GFM1: variants seen among roughly 807,000 people sequenced by gnomAD.
GFM1 encodes elongation factor G, mitochondrial.
Under a neutral mutation model 96.2 loss-of-function variants are expected in GFM1, and 62 were observed. That is an observed-to-expected ratio of 0.64 (90% confidence interval 0.53 to 0.80). GFM1 has a LOEUF of 0.80. Ranked by LOEUF, GFM1 falls within the 30% of genes least tolerant of loss-of-function variation. GFM1 has a pLI of 0.00. For missense variants in GFM1, 852 were observed against 916.6 expected, an observed-to-expected ratio of 0.93 and a Z score of 0.91; for synonymous variants, 282 against 312.9, an observed-to-expected ratio of 0.90 and a Z score of 1.04.
At chr3:158,677,820 G>A (rs533805496) in intron 13 of GFM1, among the ~76,000 whole-genome samples, 5 of 152,334 alleles carry the variant, frequency 3.3e-5, no homozygotes, top group Non-Finnish European at 7.4e-5. Flanking sequence ...GAGATTTTCA[G>A]TGTAGATGAA....
At chr3:158,676,400 A>G (rs1724898101) in intron 13 of GFM1, among the ~76,000 whole-genome samples, 1 of 152,214 alleles carries the variant, frequency 6.6e-6, no homozygotes, top group Non-Finnish European at 1.5e-5. Flanking sequence ...ATAACTACAG[A>G]AAAACATGAA....
chr3:158,681,976 T>A lies in GFM1; in HGVS notation c.1602-19T>A. ...TAATTACATAATGCTCCATTTTTTT[T>A]TTCCTAAATCACTTTCAGGTTTGAC... On this transcript the variant is annotated intron_variant, in intron 13 of 17. Coordinates refer to ENST00000486715, the MANE Select transcript of GFM1 (RefSeq NM_024996.7). 1 of 1,608,192 alleles carries A rather than the reference T, an allele frequency of 6.2e-7. No homozygotes were observed. The highest frequency in any genetic ancestry group is 8.5e-7 in the Non-Finnish European group (1 of 1,175,894).
In GFM1 at chr3:158,646,950, A is replaced by G. The variant is rs1462142329; in HGVS notation, c.572+3A>G. 6.2e-7 allele frequency: 1 copy of G among 1,611,502 alleles called. No homozygotes were observed. The highest frequency in any genetic ancestry group is 8.5e-7 in the Non-Finnish European group (1 of 1,177,562). Reference sequence around the variant, plus strand: ...GCCAGGGCCCTGCAGCAAATGAGGTAATGAGCCTTAGAATAAACAAAGAGG... The same window carrying G: ...GCCAGGGCCCTGCAGCAAATGAGGTGATGAGCCTTAGAATAAACAAAGAGG... On this transcript the variant is annotated splice_donor_region_variant and intron_variant, in intron 4 of 17. Transcript: ENST00000486715.
chr3:158,694,623 C>G lies in GFM1; in HGVS notation c.*3156C>G, dbSNP rs2108124851. ...GTGTTTCCCAGGCTGCTCACAAATT[C>G]ATGAGCTCAAGCAGTCCTCTGGCCT... On this transcript the variant is annotated 3_prime_UTR_variant, in exon 18 of 18. Coordinates refer to ENST00000486715, the MANE Select transcript of GFM1 (RefSeq NM_024996.7). Among the ~76,000 whole-genome samples, 1 of 152,278 alleles carries G rather than the reference C, an allele frequency of 6.6e-6. No homozygotes were observed. Among genetic ancestry groups the G allele is most frequent in the Non-Finnish European group, 1.5e-5 (1 of 68,030 alleles).
chr3:158,673,222 T>C (rs1027933007), intron 13 of GFM1, among the ~76,000 whole-genome samples: 6 of 152,218 alleles, frequency 3.9e-5, no homozygotes, highest in Non-Finnish European at 7.3e-5. Flanking sequence ...TCTCCTTTAC[T>C]AATCTTAAAA....
chr3:158,689,927 T>C (rs932999114), intron 15 of GFM1, among the ~76,000 whole-genome samples: 1 of 152,140 alleles, frequency 6.6e-6, no homozygotes, highest in Non-Finnish European at 1.5e-5. Flanking sequence ...TTTAATGAGT[T>C]TTAAGGATAA....
At chr3:158,688,117 T>G (rs1726015008) in intron 15 of GFM1, among the ~76,000 whole-genome samples, 1 of 152,210 alleles carries the variant, frequency 6.6e-6, no homozygotes, top group East Asian at 1.9e-4. Flanking sequence ...CCCATATTCT[T>G]GATTTAAAAA....
At chr3:158,664,189 T>A (rs1723421850) in intron 11 of GFM1, among the ~76,000 whole-genome samples, 1 of 152,226 alleles carries the variant, frequency 6.6e-6, no homozygotes, top group Admixed American at 6.5e-5. Context: ...CTGTTAATAT[T>A]GGTTGTACTG....
At chr3:158,656,070 C>T (rs1280641132) in intron 8 of GFM1, 3 of 364,536 alleles carry the variant, frequency 8.2e-6, no homozygotes, top group African/African-American at 4.2e-5. Context: ...GGACTGCCAT[C>T]GAGGTGAAGT....
At chr3:158,666,703 T>C in intron 13 of GFM1, 1 of 1,614,064 alleles carries the variant, frequency 6.2e-7, no homozygotes, top group Non-Finnish European at 8.5e-7. Context: ...TAGTGCCGTA[T>C]TGTGGATGCC....
At chr3:158,646,098 G>A (rs778603525) in intron 2 of GFM1, 67 bp from the exon 3 acceptor site, 3 of 1,599,650 alleles carry the variant, frequency 1.9e-6, no homozygotes, top group Non-Finnish European at 2.6e-6. Flanking sequence ...TTCCATTTCA[G>A]TTAAGATTTC....
intron 13 of GFM1, 118 bp from the exon 14 acceptor site, chr3:158,681,877 A>C: frequency 2.3e-6 from 2 of 864,226 alleles, no homozygotes; most frequent in Middle Eastern, 3.3e-4. Context: ...TTATAGCAAG[A>C]CCATCATATT....
chr3:158,650,062 G>C, intron 5 of GFM1: 1 of 1,535,070 alleles, frequency 6.5e-7, no homozygotes, highest in Non-Finnish European at 8.7e-7. Context: ...GGTCTGGCAG[G>C]TGGGCGAATG....
intron 2 of GFM1, 171 bp downstream of exon 2, chr3:158,645,952 T>G: frequency 1.2e-6 from 1 of 837,212 alleles, no homozygotes; most frequent in Non-Finnish European, 1.9e-6. Context: ...GTTCTGGTTT[T>G]ATTTTTATTT....
intron 11 of GFM1, among the ~76,000 whole-genome samples, chr3:158,664,064 C>T (rs915258868): frequency 5.3e-5 from 8 of 152,142 alleles, no homozygotes; most frequent in African/African-American, 1.9e-4. Context: ...CCTCTCTGTA[C>T]CTCATTTCCT....
chr3:158,649,502 T>C (rs1297289774), intron 5 of GFM1: 1 of 233,938 alleles, frequency 4.3e-6, no homozygotes, highest in Non-Finnish European at 8.5e-6. Flanking sequence ...TGTGGACTTT[T>C]ATAGAGCAGC....
rs1026814303 is a variant in GFM1, at chr3:158,694,082, T to A, written c.*2615T>A. Among the ~76,000 whole-genome samples the A allele has an allele frequency of 2.0e-5, 3 of 151,994 alleles. No individual in the cohort carries two copies. Among genetic ancestry groups the A allele is most frequent in the African/African-American group, 4.8e-5 (2 of 41,404 alleles). On this transcript the variant is annotated 3_prime_UTR_variant, in exon 18 of 18. Transcript: ENST00000486715. ...ATCTGACTCAGCAATACCATTACTA[T>A]ATACCCAAAGGAACGTAAATCATTC... is the stretch of plus-strand genomic sequence containing the variant.
At chr3:158,669,024 A>G in intron 13 of GFM1, 2 of 1,613,352 alleles carry the variant, frequency 1.2e-6, no homozygotes, top group South Asian at 2.2e-5. Flanking sequence ...AATTTTTACC[A>G]TTTTATACCA....
intron 11 of GFM1, 42 bp from the exon 12 acceptor site, chr3:158,665,295 A>C: frequency 6.6e-7 from 1 of 1,506,520 alleles, no homozygotes; most frequent in Non-Finnish European, 9.2e-7. Context: ...ATTGCTTATC[A>C]TGCTCAGTAA....
Sources: gnomAD v4.1 joint callset for allele counts (sites outside exome capture counted in the v4.1 genomes callset) on GRCh38, gnomAD v4.1.1 for gene constraint, MANE v1.5 for transcripts, NCBI Gene and HGNC (gene_info 2026-07-23, HGNC 2026-07-21) for gene names.